APPL2: variants seen among roughly 807,000 people sequenced by gnomAD.
APPL2 encodes DCC-interacting protein 13-beta.
In APPL2, 84 loss-of-function variants were observed where a neutral mutation model predicts 92.7. The observed-to-expected ratio is 0.91, with a 90% CI of 0.76 to 1.09. The LOEUF (loss-of-function observed/expected upper bound fraction) is 1.09, where lower values mean the gene tolerates loss of function less well. Ranked by LOEUF, APPL2 falls within the 50% of genes least tolerant of loss-of-function variation. APPL2 has a pLI of 0.00. For missense variants in APPL2, 736 were observed against 824.5 expected, an observed-to-expected ratio of 0.89 and a Z score of 1.31; for synonymous variants, 291 against 291.0, an observed-to-expected ratio of 1.00 and a Z score of 0.00.
chr12:105,215,664 A>C (rs542063391), intron 4 of APPL2, among the ~76,000 whole-genome samples: 1 of 152,310 alleles, frequency 6.6e-6, no homozygotes, highest in African/African-American at 2.4e-5. Context: ...GCAGATCAAT[A>C]ACTGGTCAGT....
chr12:105,195,261 C>T lies in APPL2; in HGVS notation c.1241G>A (p.Ser414Asn). ...TAGTTTTTCTTTGTCCTTTAGTTACCTGGGGCATGAGCTTTCTTGTTTTTT... is the reference window on the plus strand; with the variant it reads ...TAGTTTTTCTTTGTCCTTTAGTTACTTGGGGCATGAGCTTTCTTGTTTTTT... ...FGKKQESSCP[S>N]QNLKNSEMEN... The change falls in exon 14 of 21, where the codon AGC becomes AAC. Residue 414 changes from serine to asparagine, a missense_variant and splice_region_variant. Transcript: ENST00000258530. 6.2e-7 allele frequency: 1 copy of T among 1,614,102 alleles called. No homozygotes were observed. Among genetic ancestry groups the T allele is most frequent in the South Asian group, 1.1e-5 (1 of 91,080 alleles).
At chr12:105,222,029 T>C (rs1890140588) in intron 2 of APPL2, among the ~76,000 whole-genome samples, 1 of 152,118 alleles carries the variant, frequency 6.6e-6, no homozygotes, top group African/African-American at 2.4e-5. Context: ...GCTGGAGATG[T>C]TGCCTAGTCA....
intron 1 of APPL2, chr12:105,229,602 AACACAGGTCAGGCCT>A (rs1890772112): frequency 4.0e-6 from 4 of 1,007,440 alleles, no homozygotes; most frequent in Non-Finnish European, 4.7e-6. Context: ...CCATAAGATA[AACACAGGTCAGGCCT>A]ATCTGTGTAC....
rs776050441 is a variant in APPL2 at position 105,229,238 on chromosome 12, GA to G, written c.55-16del. On this transcript the variant is annotated splice_polypyrimidine_tract_variant and intron_variant, in intron 1 of 20. Transcript: ENST00000258530. ...AAAGAGCGAGTCTGGAAGAAAAGAAGAAAAAAGGTCAATTTCATTTCTAAGT... is the reference window on the plus strand; with the variant it reads ...AAAGAGCGAGTCTGGAAGAAAAGAAGAAAAAGGTCAATTTCATTTCTAAGT... The G allele has an allele frequency of 2.1e-5, 34 of 1,605,030 alleles. 1 individual carries two copies. In the Admixed American group the frequency reaches 5.5e-4, roughly 26 times the overall value.
intron 17 of APPL2, among the ~76,000 whole-genome samples, 163 bp downstream of exon 17, chr12:105,188,110 T>C (rs563667288): frequency 2.0e-5 from 3 of 152,322 alleles, no homozygotes; most frequent in African/African-American, 7.2e-5. Context: ...TTCTTGTCTC[T>C]AAGGGAGCAC....
At chr12:105,185,505 T>C (rs1357417587) in intron 17 of APPL2, among the ~76,000 whole-genome samples, 2 of 151,874 alleles carry the variant, frequency 1.3e-5, no homozygotes, top group Non-Finnish European at 2.9e-5. Flanking sequence ...GGGAGGGAGT[T>C]CCCCGACCCC....
intron 8 of APPL2, chr12:105,206,768 C>G (rs189057311): frequency 3.7e-4 from 99 of 270,390 alleles, no homozygotes; most frequent in Non-Finnish European, 6.2e-4. Flanking sequence ...CTGCACCCAG[C>G]TGGCTTTCAT....
intron 9 of APPL2, among the ~76,000 whole-genome samples, chr12:105,202,711 A>G (rs1888318870): frequency 6.6e-6 from 1 of 152,232 alleles, no homozygotes; most frequent in Admixed American, 6.5e-5. Context: ...AATTATAAAT[A>G]AAAGCTACAT....
intron 4 of APPL2, among the ~76,000 whole-genome samples, chr12:105,216,471 A>T (rs978103048): frequency 3.3e-5 from 5 of 152,216 alleles, no homozygotes; most frequent in Non-Finnish European, 7.3e-5. Context: ...GAGTCTTTGC[A>T]GATGTAATGA....
At chr12:105,190,562 C>T (rs945672044) in intron 14 of APPL2, among the ~76,000 whole-genome samples, 1 of 152,146 alleles carries the variant, frequency 6.6e-6, no homozygotes, top group African/African-American at 2.4e-5. Context: ...TCCCCAAAAG[C>T]CTCCCTTTCC....
chr12:105,174,309 G>A lies in APPL2; in HGVS notation c.*5C>T, dbSNP rs1231381113. ...GTTTGCTCTTCCCCCACAGGCGCAA[G>A]TGAGTTATGCTTCGGATTCTGCGCC... is the stretch of plus-strand genomic sequence containing the variant. On this transcript the variant is annotated 3_prime_UTR_variant, in exon 21 of 21. Transcript: ENST00000258530. The A allele has an allele frequency of 1.4e-5, 23 of 1,613,352 alleles. No individual in the cohort carries two copies. Among genetic ancestry groups the A allele is most frequent in the Admixed American group, 6.7e-5 (4 of 59,928 alleles).
At chr12:105,196,422 ACTC>A (rs1887650410) in intron 11 of APPL2, among the ~76,000 whole-genome samples, 2 of 114,072 alleles carry the variant, frequency 1.8e-5, no homozygotes, top group Non-Finnish European at 3.4e-5. Context: ...GGAGGCGTTA[ACTC>A]TTTTTTTTTT....
chr12:105,183,248 C>T (rs1048994722), intron 17 of APPL2, among the ~76,000 whole-genome samples: 4 of 151,992 alleles, frequency 2.6e-5, no homozygotes, highest in Admixed American at 2.0e-4. Flanking sequence ...GGCATTTAGC[C>T]TGTTTACATT....
intron 2 of APPL2, among the ~76,000 whole-genome samples, chr12:105,226,006 C>A (rs1390537545): frequency 6.6e-6 from 1 of 152,124 alleles, no homozygotes; most frequent in East Asian, 1.9e-4. Flanking sequence ...TGCGGAGAGT[C>A]TGTTTTTACA....
At chr12:105,186,631 T>TATATGATATCG (rs368764204) in intron 17 of APPL2, among the ~76,000 whole-genome samples, 44,031 of 119,144 alleles carry the variant, frequency 0.37, 9,198 homozygotes, top group Middle Eastern at 0.56. Flanking sequence ...ATATATCATA[T>TATATGATATCG]ATATCATATA....
intron 9 of APPL2, among the ~76,000 whole-genome samples, chr12:105,202,124 T>A (rs1009244984): frequency 6.6e-6 from 1 of 152,250 alleles, no homozygotes; most frequent in Non-Finnish European, 1.5e-5. Context: ...TTTAGCTATC[T>A]GAATCAAGTG....
intron 14 of APPL2, among the ~76,000 whole-genome samples, chr12:105,192,988 T>C (rs1887349333): frequency 6.6e-6 from 1 of 152,178 alleles, no homozygotes; most frequent in Non-Finnish European, 1.5e-5. Context: ...ATCAAAACAT[T>C]GCTTTATTCT....
intron 1 of APPL2, chr12:105,229,761 T>C (rs923901445): frequency 1.9e-5 from 19 of 987,518 alleles, no homozygotes; most frequent in Admixed American, 6.2e-5. Context: ...TACTACGATT[T>C]CCTTGTTTCT....
At chr12:105,221,989 A>T (rs2136064525) in intron 2 of APPL2, among the ~76,000 whole-genome samples, 1 of 152,332 alleles carries the variant, frequency 6.6e-6, no homozygotes, top group Non-Finnish European at 1.5e-5. Context: ...GGGGTGGAGG[A>T]AATCCACATC....
Sources: allele counts gnomAD v4.1 joint callset (sites outside exome capture counted in the v4.1 genomes callset), GRCh38; gene constraint gnomAD v4.1.1; transcripts MANE v1.5; gene names NCBI Gene and HGNC (gene_info 2026-07-23, HGNC 2026-07-21).